Variants in IVNS1ABP observed in about 807,000 individuals in gnomAD.
IVNS1ABP encodes influenza virus NS1A binding protein, also known as influenza virus NS1A-binding protein.
In IVNS1ABP, 25 loss-of-function variants were observed where a neutral mutation model predicts 78.9. The ratio of observed to expected loss-of-function variants is 0.32; its 90% confidence interval spans 0.23 to 0.44. The LOEUF is 0.44. IVNS1ABP is among the 20% of genes least tolerant of loss of function. IVNS1ABP has a pLI of 1.00. For synonymous variants in IVNS1ABP, 241 were observed against 259.7 expected (o/e 0.93, Z 0.69); for missense variants, 494 against 768.9 (o/e 0.64, Z 4.23).
At position 185,317,224 on chromosome 1, in the gene IVNS1ABP, A is replaced by G. The variant is rs1250697616; in HGVS notation, c.-518T>C. 18 of 397,822 alleles carry G rather than the reference A, an allele frequency of 4.5e-5. No homozygotes were observed. The highest frequency in any genetic ancestry group is 7.5e-5 in the Non-Finnish European group (17 of 225,920). 24.6% of individuals were successfully genotyped at this position (397,822 alleles called of 1,614,324 possible). A position where few individuals can be genotyped will look rare whatever the true frequency, so the allele number is the denominator to read the frequency against. ...CAGCAGCTCTGAGCGACCGACCTCC[A>G]CGCGCGACCGGGAGACACTGCCTCC... is the stretch of plus-strand genomic sequence containing the variant. On this transcript the variant is annotated 5_prime_UTR_variant, in exon 1 of 15. Transcript: ENST00000367498.
chr1:185,299,171 G>A (rs890070874), intron 14 of IVNS1ABP: 5 of 158,580 alleles, frequency 3.2e-5, no homozygotes, highest in Non-Finnish European at 5.6e-5. Flanking sequence ...GGTTCAGCCT[G>A]GTACCAAAAA....
At chr1:185,310,159 AAAAAGATG>A (rs1190745388) in intron 2 of IVNS1ABP, among the ~76,000 whole-genome samples, 1 of 152,244 alleles carries the variant, frequency 6.6e-6, no homozygotes, top group Non-Finnish European at 1.5e-5. Context: ...ACAGTGATTT[AAAAAGATG>A]AACTTATATT....
intron 1 of IVNS1ABP, among the ~76,000 whole-genome samples, chr1:185,315,029 C>T (rs960756719): frequency 6.6e-6 from 1 of 151,978 alleles, no homozygotes; most frequent in Non-Finnish European, 1.5e-5. Flanking sequence ...TAACAAAAAC[C>T]CAGAAATCAA....
intron 10 of IVNS1ABP, 93 bp downstream of exon 10, chr1:185,300,879 G>C: frequency 4.3e-6 from 4 of 924,530 alleles, no homozygotes; most frequent in Non-Finnish European, 6.8e-6. Context: ...GGATTGCCGT[G>C]AAAGATGGCA....
At chr1:185,308,295 T>C (rs749362427) in intron 5 of IVNS1ABP, among the ~76,000 whole-genome samples, 14 of 152,190 alleles carry the variant, frequency 9.2e-5, no homozygotes, top group Non-Finnish European at 1.8e-4. Flanking sequence ...GTAGACCATA[T>C]GTAAATGAAC....
chr1:185,298,230 C>T lies in IVNS1ABP; in HGVS notation c.1734G>A (p.Met578Ile), dbSNP rs1318842970. The T allele has an allele frequency of 1.2e-6, 2 of 1,613,634 alleles. No individual in the cohort carries two copies. Among genetic ancestry groups the T allele is most frequent in the Admixed American group, 1.7e-5 (1 of 59,912 alleles). The part of the protein sequence containing the change: ...DGSHAISCVE[M>I]YDPTRNEWKM... ...TCCATTCATTTCTAGTTGGATCATA[C>T]ATTTCCACACAACTGATGGCATGAG... The change falls in exon 15 of 15, where the codon ATG becomes ATA. Residue 578 changes from methionine (M) to isoleucine (I), a missense_variant. Physicochemically the swap from Met to Ile is conservative, Grantham distance 10. Transcript: ENST00000367498. The surrounding 1 kb of genome is among the most constrained non-coding windows in gnomAD (Gnocchi z 4.1).
chr1:185,313,609 G>A (rs1043916418), intron 1 of IVNS1ABP, among the ~76,000 whole-genome samples: 4 of 152,010 alleles, frequency 2.6e-5, no homozygotes, highest in Admixed American at 6.5e-5. Context: ...CCAAATTGAC[G>A]GGAGATCTTA....
intron 1 of IVNS1ABP, among the ~76,000 whole-genome samples, chr1:185,311,525 T>TAAAAA (rs35365424): frequency 7.5e-6 from 1 of 134,140 alleles, no homozygotes; most frequent in African/African-American, 2.7e-5. Context: ...CCCAAGTGAT[T>TAAAAA]AAAAAAAAAA....
At position 185,299,981 on chromosome 1, in the gene IVNS1ABP, G is replaced by A. The variant is rs374911138; in HGVS notation, c.1501+18C>T. On this transcript the variant is annotated intron_variant, in intron 13 of 14. Transcript: ENST00000367498. Reference sequence around the variant, plus strand: ...TTTGAAGGTCTTTAAAAAAAAAAAGGAAAAAAAATCAACTTACGAATGTTA... The same window carrying A: ...TTTGAAGGTCTTTAAAAAAAAAAAGAAAAAAAAATCAACTTACGAATGTTA... The A allele has an allele frequency of 1.9e-5, 31 of 1,600,728 alleles. 1 individual carries two copies. In the African/African-American group the frequency reaches 4.1e-4, roughly 21 times the overall value.
intron 8 of IVNS1ABP, 75 bp from the exon 9 acceptor site, chr1:185,301,638 C>A: frequency 6.6e-7 from 1 of 1,518,694 alleles, no homozygotes; most frequent in Non-Finnish European, 9.1e-7. Flanking sequence ...TGAGCTATTC[C>A]ACAACACTGA....
Position 185,307,017 on chromosome 1 carries a change from T to A in IVNS1ABP, c.654A>T (p.Glu218Asp), listed in dbSNP as rs35346683. 58 of 1,613,118 alleles carry A rather than the reference T, an allele frequency of 3.6e-5. No individual in the cohort carries two copies. The African/African-American group carries it at 7.5e-4, about 21-fold the overall frequency. The change falls in exon 7 of 15, where the codon GAA (glutamate) becomes GAT (aspartate). Residue 218 changes from glutamate (E) to aspartate (D), a missense_variant. Coordinates refer to ENST00000367498, the MANE Select transcript of IVNS1ABP (RefSeq NM_006469.5). ...ENGDSLEELM[E>D]EVQTLYYSAD... ...TCCCATTTACTTTAAAACTAACCTC[T>A]TCCATCAGCTCTTCCAGACTGTCTC...
At chr1:185,304,573 T>G (rs1469959104) in intron 8 of IVNS1ABP, among the ~76,000 whole-genome samples, 1 of 152,166 alleles carries the variant, frequency 6.6e-6, no homozygotes, top group African/African-American at 2.4e-5. Flanking sequence ...CTGAGTCGAC[T>G]GCTTTATAGC....
intron 7 of IVNS1ABP, chr1:185,306,605 A>G: frequency 8.1e-7 from 1 of 1,237,346 alleles, no homozygotes; most frequent in Non-Finnish European, 1.0e-6. Context: ...AGTCTTGGGT[A>G]TCCTAGTTTT....
In IVNS1ABP at chr1:185,298,383, T is replaced by C. The variant is rs1665478994; in HGVS notation, c.1676-95A>G. 9 of 1,146,420 alleles carry C rather than the reference T, an allele frequency of 7.9e-6. No homozygotes were observed. In the South Asian group the frequency reaches 1.4e-4, roughly 18 times the overall value. 71.0% of individuals were successfully genotyped at this position (1,146,420 alleles called of 1,614,324 possible). A position where few individuals can be genotyped will look rare whatever the true frequency, so the allele number is the denominator to read the frequency against. ...TCTTTTGCTTAAAAATCAGTGGTTT[T>C]AAAAATAGAAATGCCTGTTCATTTT... is the stretch of plus-strand genomic sequence containing the variant. On this transcript the variant is annotated intron_variant, in intron 14 of 14. Coordinates refer to ENST00000367498, the MANE Select transcript of IVNS1ABP (RefSeq NM_006469.5). This position sits in a 1 kb window ranked among gnomAD's most constrained non-coding sequence, Gnocchi z 4.1.
intron 5 of IVNS1ABP, chr1:185,308,096 T>C: frequency 1.3e-6 from 2 of 1,497,860 alleles, no homozygotes; most frequent in Non-Finnish European, 1.8e-6. Flanking sequence ...TAAGGGAAAA[T>C]CTAGAAACTA....
At chr1:185,314,449 A>C (rs1186265528) in intron 1 of IVNS1ABP, among the ~76,000 whole-genome samples, 1 of 152,252 alleles carries the variant, frequency 6.6e-6, no homozygotes, top group Non-Finnish European at 1.5e-5. Flanking sequence ...GAAAGGAAAA[A>C]AGGTATGATA....
At chr1:185,314,486 A>G (rs1665962421) in intron 1 of IVNS1ABP, among the ~76,000 whole-genome samples, 1 of 152,240 alleles carries the variant, frequency 6.6e-6, no homozygotes, top group African/African-American at 2.4e-5. Flanking sequence ...AACTGCAGCT[A>G]TTTCAGTTTC....
intron 9 of IVNS1ABP, 96 bp downstream of exon 9, chr1:185,301,338 T>C (rs1665592214): frequency 7.3e-6 from 11 of 1,498,092 alleles, no homozygotes; most frequent in Admixed American, 5.5e-5. Flanking sequence ...TCTGAGTTTT[T>C]TCCTCGAGTA....
rs1665716989 is a variant in IVNS1ABP at position 185,305,487 on chromosome 1, C to T, written c.765+49G>A. 6.2e-7 allele frequency: 1 copy of T among 1,601,774 alleles called. No homozygotes were observed. The highest frequency in any genetic ancestry group is 8.5e-7 in the Non-Finnish European group (1 of 1,172,458). On this transcript the variant is annotated intron_variant, in intron 8 of 14. Transcript: ENST00000367498. This position sits in a 1 kb window ranked among gnomAD's most constrained non-coding sequence, Gnocchi z 4.0. Reference sequence around the variant, plus strand: ...GAAAATTTAAGTATGCTATCAAATTCTCTAGTCAAATTTTAACCTGAGGTT... The same window carrying T: ...GAAAATTTAAGTATGCTATCAAATTTTCTAGTCAAATTTTAACCTGAGGTT...
Sources: gnomAD v4.1 joint callset for allele counts (sites outside exome capture counted in the v4.1 genomes callset) on GRCh38, gnomAD v4.1.1 for gene constraint, Gnocchi (gnomAD v3.1) non-coding constraint, MANE v1.5 for transcripts, NCBI Gene and HGNC (gene_info 2026-07-23, HGNC 2026-07-21) for gene names.